Variants in COMMD7 observed in about 807,000 individuals in gnomAD.
COMMD7 encodes the protein COMM domain containing 7.
A neutral mutation model predicts 34.8 loss-of-function variants in COMMD7; 28 were observed. The observed-to-expected ratio is 0.80, with a 90% CI of 0.60 to 1.10. The LOEUF is 1.10. Ranked by LOEUF, COMMD7 falls within the 50% of genes least tolerant of loss-of-function variation. The pLI is 0.00. For synonymous variants in COMMD7, 80 were observed against 86.4 expected (o/e 0.93, Z 0.41); for missense variants, 211 against 241.6 (o/e 0.87, Z 0.84).
chr20:32,703,642 A>C (rs1216408577), intron 8 of COMMD7, 184 bp from the exon 9 acceptor site: 1 of 1,437,056 alleles, frequency 7.0e-7, no homozygotes, highest in Non-Finnish European at 9.1e-7. Context: ...TCTCTGCTCC[A>C]AAGGAAAAAA....
chr20:32,712,525 C>T (rs1358197833), intron 3 of COMMD7, among the ~76,000 whole-genome samples: 1 of 148,988 alleles, frequency 6.7e-6, no homozygotes, highest in African/African-American at 2.5e-5. Context: ...AAAAAAAAAA[C>T]CTAGGTGATG....
intron 1 of COMMD7, among the ~76,000 whole-genome samples, chr20:32,737,788 T>C (rs1986223540): frequency 6.6e-6 from 1 of 151,160 alleles, no homozygotes; most frequent in African/African-American, 2.4e-5. Flanking sequence ...CAGTGAGCCA[T>C]TATTGTAACA....
chr20:32,738,436 C>T (rs1223398567), intron 1 of COMMD7, among the ~76,000 whole-genome samples: 2 of 152,020 alleles, frequency 1.3e-5, no homozygotes, highest in African/African-American at 4.8e-5. Flanking sequence ...AGAATACAAA[C>T]ATGAGCCGGG....
intron 5 of COMMD7, 22 bp from the exon 6 acceptor site, chr20:32,704,926 A>T (rs1416147536): frequency 6.4e-7 from 1 of 1,565,266 alleles, no homozygotes; most frequent in Non-Finnish European, 8.8e-7. Context: ...GCAAAAGACA[A>T]AGTCAATTAC....
chr20:32,736,572 A>C (rs569937996), intron 1 of COMMD7, among the ~76,000 whole-genome samples: 1 of 152,234 alleles, frequency 6.6e-6, no homozygotes, highest in East Asian at 1.9e-4. Flanking sequence ...CAGGAGCCTG[A>C]GGCAGGAGAA....
intron 5 of COMMD7, among the ~76,000 whole-genome samples, chr20:32,706,127 G>C (rs1338150368): frequency 6.6e-6 from 1 of 151,830 alleles, no homozygotes; most frequent in African/African-American, 2.4e-5. Context: ...GAACCAAGGA[G>C]GTGGAGGTTG....
chr20:32,722,462 T>C (rs1173484668), intron 3 of COMMD7, among the ~76,000 whole-genome samples: 4 of 152,074 alleles, frequency 2.6e-5, no homozygotes, highest in Admixed American at 2.6e-4. Flanking sequence ...TGATGGCTCA[T>C]GCCTGTAATC....
intron 5 of COMMD7, among the ~76,000 whole-genome samples, chr20:32,706,262 C>G (rs1288902034): frequency 1.3e-5 from 2 of 151,072 alleles, no homozygotes; most frequent in African/African-American, 4.9e-5. Context: ...GCCTGTAATC[C>G]CAGCACTTTG....
intron 3 of COMMD7, among the ~76,000 whole-genome samples, chr20:32,720,536 A>G (rs1336425707): frequency 1.3e-5 from 2 of 152,284 alleles, no homozygotes; most frequent in East Asian, 1.9e-4. Context: ...TAGGCCGGGC[A>G]TGGTGGTTCA....
At chr20:32,733,779 G>A (rs1385374309) in intron 1 of COMMD7, among the ~76,000 whole-genome samples, 1 of 151,380 alleles carries the variant, frequency 6.6e-6, no homozygotes, top group Non-Finnish European at 1.5e-5. Flanking sequence ...CAGCTACTCA[G>A]GAGGCTGAGG....
intron 3 of COMMD7, among the ~76,000 whole-genome samples, chr20:32,725,120 C>G (rs868266197): frequency 1.5e-3 from 229 of 151,726 alleles, no homozygotes; most frequent in African/African-American, 5.3e-3. Context: ...TATCCAACAA[C>G]AGGATATAGA....
chr20:32,730,296 T>A (rs892500486), intron 1 of COMMD7, among the ~76,000 whole-genome samples: 1 of 152,078 alleles, frequency 6.6e-6, no homozygotes, highest in African/African-American at 2.4e-5. Context: ...GGCTCACGCA[T>A]GTAATCCCAG....
intron 3 of COMMD7, among the ~76,000 whole-genome samples, chr20:32,707,674 GAGAGAAGTC>G (rs1177130258): frequency 6.6e-6 from 1 of 151,266 alleles, no homozygotes; most frequent in East Asian, 2.0e-4. Flanking sequence ...CAACCAGTGT[GAGAGAAGTC>G]AGAGACAACA....
chr20:32,710,059 T>A (rs1984344848), intron 3 of COMMD7, among the ~76,000 whole-genome samples: 1 of 151,834 alleles, frequency 6.6e-6, no homozygotes, highest in Admixed American at 6.6e-5. Flanking sequence ...TTAATTTTTT[T>A]TTCTAGAGAT....
At chr20:32,740,813 CAA>C (rs56039232) in intron 1 of COMMD7, among the ~76,000 whole-genome samples, 24 of 128,256 alleles carry the variant, frequency 1.9e-4, no homozygotes, top group East Asian at 2.4e-4. Flanking sequence ...GACCCTGCCT[CAA>C]AAAAAAAAAA....
intron 3 of COMMD7, among the ~76,000 whole-genome samples, chr20:32,714,749 G>A (rs1414418580): frequency 6.6e-6 from 1 of 151,834 alleles, no homozygotes; most frequent in Non-Finnish European, 1.5e-5. Context: ...GCTTGAACCT[G>A]GGAGGTGGAG....
chr20:32,737,498 C>T (rs1352625174), intron 1 of COMMD7, among the ~76,000 whole-genome samples: 1 of 151,558 alleles, frequency 6.6e-6, no homozygotes, highest in African/African-American at 2.4e-5. Flanking sequence ...TAGAATGAGA[C>T]CCTGTCTCAA....
chr20:32,714,106 C>G (rs1984630064), intron 3 of COMMD7, among the ~76,000 whole-genome samples: 1 of 152,026 alleles, frequency 6.6e-6, no homozygotes, highest in Non-Finnish European at 1.5e-5. Flanking sequence ...GAGTGTGACT[C>G]TGTCTTAAAA....
intron 5 of COMMD7, among the ~76,000 whole-genome samples, 167 bp from the exon 6 acceptor site, chr20:32,705,071 G>A (rs1269625817): frequency 1.3e-5 from 2 of 151,932 alleles, no homozygotes; most frequent in Non-Finnish European, 2.9e-5. Flanking sequence ...ACATACCTAG[G>A]GATGGAGGAG....
Sources: allele counts gnomAD v4.1 joint callset (sites outside exome capture counted in the v4.1 genomes callset), GRCh38; gene constraint gnomAD v4.1.1; transcripts MANE v1.5; gene names NCBI Gene and HGNC (gene_info 2026-07-23, HGNC 2026-07-21).